The following ATP2C2 variants were observed in gnomAD, a reference collection of about 807,000 sequenced individuals.
ATP2C2 encodes the protein ATPase secretory pathway Ca2+ transporting 2.
A neutral mutation model predicts 110.8 loss-of-function variants in ATP2C2; 171 were observed. The ratio of observed to expected loss-of-function variants is 1.54; its 90% CI spans 1.36 to 1.75. ATP2C2 has a LOEUF of 1.75. ATP2C2 is among the 40% of genes most tolerant of loss of function. The pLI is 0.00. For missense variants in ATP2C2, 1,963 were observed against 1,235.0 expected, an observed-to-expected ratio of 1.59 and a Z score of -8.84; for synonymous variants, 804 against 508.4, an observed-to-expected ratio of 1.58 and a Z score of -7.82.
chr16:84,405,317 C>A, intron 3 of ATP2C2, 73 bp downstream of exon 3: 3 of 1,299,756 alleles, frequency 2.3e-6, no homozygotes, highest in South Asian at 1.3e-5. Context: ...TTCCATCTTT[C>A]AATGTTGATG....
intron 4 of ATP2C2, among the ~76,000 whole-genome samples, chr16:84,409,926 T>C (rs1906121074): frequency 6.6e-6 from 1 of 152,076 alleles, no homozygotes; most frequent in Non-Finnish European, 1.5e-5. Flanking sequence ...AAGGCTGGAG[T>C]AGGCCGGGTG....
chr16:84,456,308 C>G (rs1239601494), intron 21 of ATP2C2, among the ~76,000 whole-genome samples: 1 of 151,608 alleles, frequency 6.6e-6, no homozygotes, highest in Non-Finnish European at 1.5e-5. Flanking sequence ...ATTTCAGAGC[C>G]TGTTATTGGT....
chr16:84,400,531 G>T (rs996179836), intron 2 of ATP2C2, among the ~76,000 whole-genome samples: 2 of 152,048 alleles, frequency 1.3e-5, no homozygotes, highest in African/African-American at 4.8e-5. Flanking sequence ...GTTTCACCGT[G>T]TTAGCCAGGA....
intron 1 of ATP2C2, among the ~76,000 whole-genome samples, chr16:84,369,956 T>C (rs1400559554): frequency 1.3e-5 from 2 of 152,254 alleles, no homozygotes; most frequent in Non-Finnish European, 2.9e-5. Flanking sequence ...ATTTCTCTGC[T>C]TCTGCGATAC....
At chr16:84,455,995 A>G (rs1910758028) in intron 21 of ATP2C2, among the ~76,000 whole-genome samples, 1 of 110,834 alleles carries the variant, frequency 9.0e-6, no homozygotes, top group Admixed American at 1.1e-4. Flanking sequence ...ATCATGGTGG[A>G]TAAGCTTTTT....
chr16:84,398,331 G>T (rs1217094909), intron 1 of ATP2C2, among the ~76,000 whole-genome samples, 168 bp from the exon 2 acceptor site: 1 of 152,022 alleles, frequency 6.6e-6, no homozygotes, highest in African/African-American at 2.4e-5. Context: ...TCTTGAACCC[G>T]GTAAGTGGAG....
intron 23 of ATP2C2, chr16:84,460,004 C>A (rs1237434239): frequency 4.2e-6 from 1 of 237,672 alleles, no homozygotes; most frequent in Non-Finnish European, 8.4e-6. Flanking sequence ...GCCACGTGTG[C>A]GTAACCGTAT....
chr16:84,461,949 G>C, intron 25 of ATP2C2, 39 bp from the exon 26 acceptor site: 1 of 1,609,626 alleles, frequency 6.2e-7, no homozygotes, highest in Non-Finnish European at 8.5e-7. Flanking sequence ...CCTGGGGTGT[G>C]GACAGCACAC....
At chr16:84,462,317 G>A in intron 26 of ATP2C2, 188 bp downstream of exon 26, 2 of 724,796 alleles carry the variant, frequency 2.8e-6, no homozygotes, top group Non-Finnish European at 2.2e-6. Context: ...TGTGACGGAT[G>A]CACAGAAACC....
intron 11 of ATP2C2, among the ~76,000 whole-genome samples, chr16:84,429,215 G>A (rs906597897): frequency 1.3e-5 from 2 of 152,090 alleles, no homozygotes; most frequent in Non-Finnish European, 2.9e-5. Flanking sequence ...GCAATGGCAC[G>A]ATCTTGGCTC....
chr16:84,439,010 A>G (rs1908993161), intron 11 of ATP2C2, 156 bp from the exon 12 acceptor site: 8 of 1,103,994 alleles, frequency 7.2e-6, no homozygotes, highest in Non-Finnish European at 1.0e-5. Context: ...CTGCAGAAGG[A>G]GGCAGGTGCA....
intron 1 of ATP2C2, among the ~76,000 whole-genome samples, chr16:84,393,568 CCTT>C (rs1373002054): frequency 2.0e-5 from 3 of 152,168 alleles, no homozygotes; most frequent in African/African-American, 4.8e-5. Context: ...TATAGACACT[CCTT>C]CTAAAAGCTC....
chr16:84,396,613 C>T (rs1567693981), intron 1 of ATP2C2, among the ~76,000 whole-genome samples: 1 of 149,340 alleles, frequency 6.7e-6, no homozygotes, highest in Non-Finnish European at 1.5e-5. Context: ...AATGGCAAGG[C>T]TGAGGGCAGC....
At chr16:84,380,771 A>G (rs1347492796) in intron 1 of ATP2C2, among the ~76,000 whole-genome samples, 2 of 152,224 alleles carry the variant, frequency 1.3e-5, no homozygotes. Context: ...AAGTGTACAT[A>G]CATCGGGGGG....
intron 1 of ATP2C2, among the ~76,000 whole-genome samples, chr16:84,377,626 C>T (rs1354873141): frequency 6.6e-6 from 1 of 152,040 alleles, no homozygotes; most frequent in East Asian, 1.9e-4. Flanking sequence ...AAGGCCCCAC[C>T]AATGACATCA....
rs776848705 is a variant in ATP2C2, at chr16:84,422,615, T to C, written c.775-14T>C. 5.0e-6 allele frequency: 8 copies of C among 1,611,180 alleles called. No homozygotes were observed. In the African/African-American group the frequency reaches 1.1e-4, roughly 22 times the overall value. The stretch of plus-strand genomic sequence containing the variant: ...AGCCCTTAGATTTCATACTTCTCTC[T>C]CTCCTGGACACAGGGGGTCGTGATT... On this transcript the variant is annotated splice_polypyrimidine_tract_variant and intron_variant, in intron 8 of 26. Transcript: ENST00000262429.
intron 11 of ATP2C2, among the ~76,000 whole-genome samples, chr16:84,430,899 A>G (rs1908217237): frequency 6.6e-6 from 1 of 152,040 alleles, no homozygotes; most frequent in Admixed American, 6.6e-5. Context: ...CCTTGTCAGC[A>G]ACCCAACCCC....
rs76066302 is a variant in ATP2C2, at chr16:84,453,414, G to C, written c.1980+43G>C. ...GGCACAGGCTGCGCTGCTGGGGCCGGGCCAGAGACACTGTGGCTCGAGGAG... is the reference window on the plus strand; with the variant it reads ...GGCACAGGCTGCGCTGCTGGGGCCGCGCCAGAGACACTGTGGCTCGAGGAG... On this transcript the variant is annotated intron_variant, in intron 20 of 26. Coordinates refer to ENST00000262429, the MANE Select transcript of ATP2C2 (RefSeq NM_014861.4). 4,469 of 1,610,932 alleles carry C rather than the reference G, an allele frequency of 2.8e-3. 110 individuals carry two copies. The African/African-American group carries it at 0.05, about 18-fold the overall frequency.
At chr16:84,389,418 C>T (rs1474122046) in intron 1 of ATP2C2, among the ~76,000 whole-genome samples, 2 of 152,226 alleles carry the variant, frequency 1.3e-5, no homozygotes, top group African/African-American at 4.8e-5. Flanking sequence ...TTGTTCATGC[C>T]TCTGGTGTCG....
Sources: gnomAD v4.1 joint callset for allele counts (sites outside exome capture counted in the v4.1 genomes callset) on GRCh38, gnomAD v4.1.1 for gene constraint, MANE v1.5 for transcripts, NCBI Gene and HGNC (gene_info 2026-07-23, HGNC 2026-07-21) for gene names.